Variants in NKAIN3 observed in about 807,000 individuals in gnomAD.
NKAIN3 encodes the protein sodium/potassium transporting ATPase interacting 3, also known as sodium/potassium-transporting ATPase subunit beta-1-interacting protein 3.
A neutral mutation model predicts 30.2 loss-of-function variants in NKAIN3; 25 were observed. That is an observed-to-expected ratio of 0.83 (90% CI 0.60 to 1.16). The LOEUF (loss-of-function observed/expected upper bound fraction) is 1.16, where lower values mean the gene tolerates loss of function less well. Among genes scored for constraint, NKAIN3 ranks in the 50% most tolerant of loss-of-function variants. NKAIN3 has a pLI of 0.00. For missense variants in NKAIN3, 225 were observed against 254.1 expected (o/e 0.89, Z 0.78); for synonymous variants, 91 against 89.6 (o/e 1.02, Z -0.09).
intron 4 of NKAIN3, among the ~76,000 whole-genome samples, chr8:62,876,914 G>A (rs1820813563): frequency 6.6e-6 from 1 of 151,646 alleles, no homozygotes; most frequent in African/African-American, 2.4e-5. Flanking sequence ...TTCTGCACAT[G>A]TATCCCGTGT....
intron 1 of NKAIN3, among the ~76,000 whole-genome samples, chr8:62,564,882 G>C (rs1292212528): frequency 6.6e-6 from 1 of 152,062 alleles, no homozygotes; most frequent in Non-Finnish European, 1.5e-5. Context: ...ATTTAGAATA[G>C]CAATAATGTT....
chr8:62,869,763 G>C (rs936983469), intron 4 of NKAIN3, among the ~76,000 whole-genome samples: 2 of 151,794 alleles, frequency 1.3e-5, no homozygotes, highest in African/African-American at 4.8e-5. Context: ...GTTTGTTTCT[G>C]TTTTTGTTTT....
chr8:62,636,487 T>G (rs992727469), intron 3 of NKAIN3, among the ~76,000 whole-genome samples: 3 of 152,198 alleles, frequency 2.0e-5, no homozygotes, highest in African/African-American at 7.2e-5. Context: ...TCCTTGTACT[T>G]TCAAAAGATG....
Position 62,559,384 on chromosome 8 carries a change from T to G in NKAIN3, c.55-20155T>G, listed in dbSNP as rs190392385. Among the ~76,000 whole-genome samples, 504 of 152,198 alleles carry G rather than the reference T, an allele frequency of 3.3e-3. 2 individuals are homozygous for G. The highest frequency in any genetic ancestry group is 5.9e-3 in the Non-Finnish European group (401 of 67,944). The stretch of plus-strand genomic sequence containing the variant: ...TAATCTACTCTGACAATTGTTTTAT[T>G]GATTTATTTAGGCCATTTATATTTC... On this transcript the variant is annotated intron_variant, in intron 1 of 6. Transcript: ENST00000623646.
rs949315024 is a variant in NKAIN3, at chr8:62,456,439, A to T, written c.55-123100A>T. 2.0e-5 allele frequency among the ~76,000 whole-genome samples: 3 copies of T among 152,210 alleles called. No homozygotes were observed. The South Asian group carries it at 6.2e-4, about 32-fold the overall frequency. ...GAGGCTGAGGCAGGAGAATGGCGTGAACCTGTGAGGCAGAGCTTGTAGTGA... is the reference window on the plus strand; with the variant it reads ...GAGGCTGAGGCAGGAGAATGGCGTGTACCTGTGAGGCAGAGCTTGTAGTGA... On this transcript the variant is annotated intron_variant, in intron 1 of 6. Coordinates refer to ENST00000623646, the MANE Select transcript of NKAIN3 (RefSeq NM_001304533.3).
At chr8:62,694,711 G>A (rs4737608) in intron 3 of NKAIN3, among the ~76,000 whole-genome samples, 1 of 151,974 alleles carries the variant, frequency 6.6e-6, no homozygotes, top group African/African-American at 2.4e-5. Context: ...CCTGCTGTTA[G>A]TTCCTGACCC....
intron 4 of NKAIN3, among the ~76,000 whole-genome samples, chr8:62,832,428 A>G (rs2130747112): frequency 6.6e-6 from 1 of 152,106 alleles, no homozygotes; most frequent in East Asian, 1.9e-4. Flanking sequence ...TAAACTGCCT[A>G]ACACCCCACT....
intron 3 of NKAIN3, among the ~76,000 whole-genome samples, chr8:62,594,185 A>G (rs1810749004): frequency 6.6e-6 from 1 of 152,058 alleles, no homozygotes; most frequent in African/African-American, 2.4e-5. Context: ...TCTATCAAAC[A>G]TAAGAAATAC....
chr8:62,736,762 G>A (rs1461241135), intron 3 of NKAIN3, among the ~76,000 whole-genome samples: 2 of 152,160 alleles, frequency 1.3e-5, no homozygotes, highest in Non-Finnish European at 2.9e-5. Context: ...ACAAAGTTCA[G>A]CTGGAAGTTT....
At chr8:62,329,117 GC>G (rs1815248496) in intron 1 of NKAIN3, among the ~76,000 whole-genome samples, 1 of 151,842 alleles carries the variant, frequency 6.6e-6, no homozygotes. Flanking sequence ...TATCTTCTCA[GC>G]CCAGTCAAGT....
At chr8:62,989,680 C>T (rs1469185936), downstream of NKAIN3, among the ~76,000 whole-genome samples, 2 of 152,104 alleles carry the variant, frequency 1.3e-5, no homozygotes, top group Non-Finnish European at 2.9e-5. Context: ...CAGAGGGAGA[C>T]TCTGTCTCGA....
At chr8:62,760,105 T>C (rs1262056837) in intron 4 of NKAIN3, among the ~76,000 whole-genome samples, 1 of 152,016 alleles carries the variant, frequency 6.6e-6, no homozygotes, top group African/African-American at 2.4e-5. Flanking sequence ...AGAATGGCGA[T>C]CATTAAAAAG....
At chr8:62,358,551 G>A (rs1816434030) in intron 1 of NKAIN3, among the ~76,000 whole-genome samples, 2 of 152,122 alleles carry the variant, frequency 1.3e-5, no homozygotes, top group Admixed American at 6.5e-5. Flanking sequence ...ATGAGTAATA[G>A]AATGTGTAAT....
chr8:62,564,338 A>T (rs1000644990), intron 1 of NKAIN3, among the ~76,000 whole-genome samples: 1 of 152,084 alleles, frequency 6.6e-6, no homozygotes, highest in Non-Finnish European at 1.5e-5. Flanking sequence ...ACCCTCAGCC[A>T]GAGTCCCACC....
intron 4 of NKAIN3, among the ~76,000 whole-genome samples, chr8:62,793,739 C>T (rs915018530): frequency 2.0e-5 from 3 of 152,144 alleles, no homozygotes; most frequent in South Asian, 2.1e-4. Context: ...AGTTGATTCT[C>T]GAGGTCTAAG....
At chr8:62,473,908 G>A (rs1038463095) in intron 1 of NKAIN3, 2 of 152,084 alleles carry the variant, frequency 1.3e-5, no homozygotes, top group East Asian at 3.9e-4. Flanking sequence ...TGTCTATTTT[G>A]TGCAATATTT....
chr8:62,516,695 T>C (rs1057464045), intron 1 of NKAIN3, among the ~76,000 whole-genome samples: 2 of 152,160 alleles, frequency 1.3e-5, no homozygotes, highest in Admixed American at 6.6e-5. Context: ...AAATGTGCTC[T>C]GTACAAATTT....
At chr8:62,955,013 A>C (rs968299266) in intron 6 of NKAIN3, among the ~76,000 whole-genome samples, 3 of 152,178 alleles carry the variant, frequency 2.0e-5, no homozygotes, top group Non-Finnish European at 4.4e-5. Context: ...TAATAAACAC[A>C]TATGAAAAGT....
At chr8:62,492,685 G>A (rs757583773) in intron 1 of NKAIN3, among the ~76,000 whole-genome samples, 1 of 152,086 alleles carries the variant, frequency 6.6e-6, no homozygotes, top group Non-Finnish European at 1.5e-5. Context: ...TTGAAATTAC[G>A]CTTTTTTTGC....
Sources: gnomAD v4.1 joint callset for allele counts (sites outside exome capture counted in the v4.1 genomes callset) on GRCh38, gnomAD v4.1.1 for gene constraint, MANE v1.5 for transcripts, NCBI Gene and HGNC (gene_info 2026-07-23, HGNC 2026-07-21) for gene names.